The following ANKRD46 variants were observed in gnomAD, a reference collection of about 807,000 sequenced individuals.
ANKRD46 encodes ankyrin repeat domain-containing protein 46.
ANKRD46 carries 13 observed loss-of-function variants against 19.8 expected under a neutral mutation model. The ratio of observed to expected loss-of-function variants is 0.66; its 90% CI spans 0.43 to 1.04. The LOEUF (loss-of-function observed/expected upper bound fraction) is 1.04, where lower values mean the gene tolerates loss of function less well. Among genes scored for constraint, ANKRD46 ranks in the 50% least tolerant of loss-of-function variants. The pLI, the probability that ANKRD46 is intolerant of heterozygous loss-of-function variation, is 0.00. For missense variants in ANKRD46, 185 were observed against 274.8 expected (o/e 0.67, Z 2.31); for synonymous variants, 91 against 106.9 (o/e 0.85, Z 0.92).
intron 1 of ANKRD46, among the ~76,000 whole-genome samples, chr8:100,549,778 C>T (rs1354248622): frequency 6.6e-6 from 1 of 152,184 alleles, no homozygotes. Context: ...TTTACAATGA[C>T]ATGTATTCAT....
Position 100,546,703 on chromosome 8 carries a change from T to C in ANKRD46, c.-131+13008A>G, listed in dbSNP as rs1158784969. Among the ~76,000 whole-genome samples the C allele has an allele frequency of 6.6e-6, 1 of 152,138 alleles. No homozygotes were observed. The highest frequency in any genetic ancestry group is 1.5e-5 in the Non-Finnish European group (1 of 68,030). On this transcript the variant is annotated intron_variant, in intron 1 of 4. Coordinates refer to ENST00000335659, the MANE Select transcript of ANKRD46 (RefSeq NM_001270377.2). The surrounding 1 kb of genome is among the most constrained non-coding windows in gnomAD (Gnocchi z 4.0). ...CACTGTCCTCCAGACCCCAGAAAAGTAGATCCACTGACAGCTTGCACCATG... is the reference window on the plus strand; with the variant it reads ...CACTGTCCTCCAGACCCCAGAAAAGCAGATCCACTGACAGCTTGCACCATG...
In ANKRD46 at chr8:100,527,903, C is replaced by T; in HGVS notation, c.412G>A (p.Gly138Arg). Residue 138 changes from glycine to arginine, a missense_variant, in exon 4 of 5, where the codon GGA (glycine) becomes AGA (arginine). Transcript: ENST00000335659. The surrounding 1 kb of genome is among the most constrained non-coding windows in gnomAD (Gnocchi z 4.0). ...LESLEEQEVK[G>R]FNRGTHSKLE... ...TTCGAGTGGGTTCCTCTGTTAAATC[C>T]TTTCACCTCCTGTTCTTCCAAAGAT... The T allele has an allele frequency of 1.2e-6, 2 of 1,613,476 alleles. No individual in the cohort carries two copies. The highest frequency in any genetic ancestry group is 1.7e-6 in the Non-Finnish European group (2 of 1,179,902).
At position 100,550,796 on chromosome 8, in the gene ANKRD46, C is replaced by T. The variant is rs539417385; in HGVS notation, c.-131+8915G>A. Reference sequence around the variant, plus strand: ...ATTCACTGTTGTACGAGGAAATGAGCTTGACAAAGTGGTCACTGAGGGCAA... The same window carrying T: ...ATTCACTGTTGTACGAGGAAATGAGTTTGACAAAGTGGTCACTGAGGGCAA... On this transcript the variant is annotated intron_variant, in intron 1 of 4. Transcript: ENST00000335659. This position sits in a 1 kb window ranked among gnomAD's most constrained non-coding sequence, Gnocchi z 4.4. The T allele has an allele frequency of 9.3e-4, 429 of 459,104 alleles. 6 individuals are homozygous for T. Among genetic ancestry groups the T allele is most frequent in the South Asian group, 7.3e-3 (418 of 57,172 alleles). 28.4% of individuals were successfully genotyped at this position (459,104 alleles called of 1,614,324 possible).
At position 100,536,552 on chromosome 8, in the gene ANKRD46, C is replaced by G. The variant is rs1041088185; in HGVS notation, c.-130-3241G>C. ...AGCCATACGGAAGAAAGCTTGCATACAGCACTGATCCCCTGGTAACAGAGC... is the reference window on the plus strand; with the variant it reads ...AGCCATACGGAAGAAAGCTTGCATAGAGCACTGATCCCCTGGTAACAGAGC... On this transcript the variant is annotated intron_variant, in intron 1 of 4. Coordinates refer to ENST00000335659, the MANE Select transcript of ANKRD46 (RefSeq NM_001270377.2). This position sits in a 1 kb window ranked among gnomAD's most constrained non-coding sequence, Gnocchi z 4.9. 2.0e-5 allele frequency among the ~76,000 whole-genome samples: 3 copies of G among 152,106 alleles called. No homozygotes were observed. Among genetic ancestry groups the G allele is most frequent in the African/African-American group, 7.2e-5 (3 of 41,426 alleles).
Position 100,544,959 on chromosome 8 carries a change from G to A in ANKRD46, c.-130-11648C>T, listed in dbSNP as rs1812243273. Among the ~76,000 whole-genome samples, 1 of 152,108 alleles carries A rather than the reference G, an allele frequency of 6.6e-6. No individual in the cohort carries two copies. The highest frequency in any genetic ancestry group is 1.5e-5 in the Non-Finnish European group (1 of 68,028). ...ATAACAGTATTGTACACTGGCACAT[G>A]AGTATGTACATAGGGCAGATCAACA... On this transcript the variant is annotated intron_variant, in intron 1 of 4. Coordinates refer to ENST00000335659, the MANE Select transcript of ANKRD46 (RefSeq NM_001270377.2). The surrounding 1 kb of genome is among the most constrained non-coding windows in gnomAD (Gnocchi z 4.4).
At chr8:100,522,801 T>C (rs1318810815) in intron 4 of ANKRD46, 30 bp from the exon 5 acceptor site, 5 of 1,594,456 alleles carry the variant, frequency 3.1e-6, no homozygotes, top group Non-Finnish European at 4.3e-6. Flanking sequence ...AAAAAGGGCA[T>C]TAAAAAAACA....
intron 4 of ANKRD46, among the ~76,000 whole-genome samples, chr8:100,523,855 G>T (rs1811782849): frequency 6.6e-6 from 1 of 152,120 alleles, no homozygotes; most frequent in Non-Finnish European, 1.5e-5. Context: ...TGTTGCCCAG[G>T]CTGGTCTTGA....
intron 1 of ANKRD46, among the ~76,000 whole-genome samples, chr8:100,554,968 T>C (rs765179327): frequency 2.3e-4 from 35 of 151,590 alleles, no homozygotes; most frequent in Non-Finnish European, 4.6e-4. Context: ...TGAGCCAAGA[T>C]TGTGCCACTG....
chr8:100,551,307 G>A lies in ANKRD46; in HGVS notation c.-131+8404C>T, dbSNP rs559360275. On this transcript the variant is annotated intron_variant, in intron 1 of 4. Transcript: ENST00000335659. ...CTTGAGGCTGTTTTCAGACTTCTCA[G>A]GGATCATGCCCATTATGAATATGGG... 1.1e-5 allele frequency: 6 copies of A among 531,070 alleles called. No individual in the cohort carries two copies. In the East Asian group the frequency reaches 2.5e-4, roughly 22 times the overall value. The allele number at this position is 531,070 out of a possible 1,614,324, so 32.9% of individuals were successfully genotyped here.
downstream of ANKRD46, among the ~76,000 whole-genome samples, chr8:100,518,845 C>G (rs144221394): frequency 5.5e-3 from 789 of 144,226 alleles, 7 homozygotes; most frequent in Non-Finnish European, 6.8e-3. Context: ...GAGCGAGACT[C>G]TGTCTCAAAA....
rs1811800979 is a variant in ANKRD46, at chr8:100,524,527, CAT to C, written c.471-1758_471-1757del. On this transcript the variant is annotated intron_variant, in intron 4 of 4. Transcript: ENST00000335659. This position sits in a 1 kb window ranked among gnomAD's most constrained non-coding sequence, Gnocchi z 4.3. Reference sequence around the variant, plus strand: ...ACTTTTTTTTTTTTAATAATTAAAACATGTTTATTCTCTGAATAAGAGATGAT... The same window carrying C: ...ACTTTTTTTTTTTTAATAATTAAAACGTTTATTCTCTGAATAAGAGATGAT... Among the ~76,000 whole-genome samples, 1 of 150,450 alleles carries C rather than the reference CAT, an allele frequency of 6.6e-6. No individual in the cohort carries two copies. Among genetic ancestry groups the C allele is most frequent in the African/African-American group, 2.5e-5 (1 of 40,758 alleles).
rs773910540 is a variant in ANKRD46 at position 100,544,882 on chromosome 8, T to C, written c.-130-11571A>G. Among the ~76,000 whole-genome samples, 1 of 152,236 alleles carries C rather than the reference T, an allele frequency of 6.6e-6. No homozygotes were observed. Among genetic ancestry groups the C allele is most frequent in the South Asian group, 2.1e-4 (1 of 4,816 alleles). On this transcript the variant is annotated intron_variant, in intron 1 of 4. Coordinates refer to ENST00000335659, the MANE Select transcript of ANKRD46 (RefSeq NM_001270377.2). This position sits in a 1 kb window ranked among gnomAD's most constrained non-coding sequence, Gnocchi z 4.4. Reference sequence around the variant, plus strand: ...CAGAGGCAACAATGGGAGCAACTCATAGAGTCTGGTGCTCTTCACAGAGTG... The same window carrying C: ...CAGAGGCAACAATGGGAGCAACTCACAGAGTCTGGTGCTCTTCACAGAGTG...
rs1160629306 is a variant in ANKRD46, at chr8:100,532,316, A to T, written c.-28+893T>A. Reference sequence around the variant, plus strand: ...AGACCCTGTCTCTATAAAATATTTTAAAATTAGCCAGGCATGGTGGCGCGC... The same window carrying T: ...AGACCCTGTCTCTATAAAATATTTTTAAATTAGCCAGGCATGGTGGCGCGC... On this transcript the variant is annotated intron_variant, in intron 2 of 4. Transcript: ENST00000335659. This position sits in a 1 kb window ranked among gnomAD's most constrained non-coding sequence, Gnocchi z 4.7. 1 of 152,142 alleles carries T rather than the reference A, an allele frequency of 6.6e-6. No homozygotes were observed. The highest frequency in any genetic ancestry group is 1.9e-4 in the East Asian group (1 of 5,182). The allele number at this position is 152,142 out of a possible 1,614,324, so 9.4% of individuals were successfully genotyped here.
chr8:100,549,195 C>T (rs1186546750), intron 1 of ANKRD46, among the ~76,000 whole-genome samples: 1 of 151,398 alleles, frequency 6.6e-6, no homozygotes, highest in Non-Finnish European at 1.5e-5. Flanking sequence ...GCCTCAAACT[C>T]CTGGGCTCAA....
intron 1 of ANKRD46, among the ~76,000 whole-genome samples, chr8:100,552,938 T>C (rs567046755): frequency 2.0e-5 from 3 of 152,256 alleles, no homozygotes; most frequent in African/African-American, 2.4e-5. Flanking sequence ...TCCACTCTTA[T>C]ATGCTTCTGT....
At chr8:100,556,121 T>A (rs984504301) in intron 1 of ANKRD46, among the ~76,000 whole-genome samples, 3 of 152,152 alleles carry the variant, frequency 2.0e-5, no homozygotes, top group Non-Finnish European at 4.4e-5. Context: ...CCCAGGCCCA[T>A]GAGATGCTTC....
At position 100,545,113 on chromosome 8, in the gene ANKRD46, C is replaced by G. The variant is rs889926859; in HGVS notation, c.-130-11802G>C. On this transcript the variant is annotated intron_variant, in intron 1 of 4. Transcript: ENST00000335659. This position sits in a 1 kb window ranked among gnomAD's most constrained non-coding sequence, Gnocchi z 4.7. ...GCAGAGGTGGGAGAATTGCTTGAGC[C>G]CAGGCATTCGAGACAAGCCTGGGCA... is the stretch of plus-strand genomic sequence containing the variant. 6.6e-6 allele frequency among the ~76,000 whole-genome samples: 1 copy of G among 152,082 alleles called. No homozygotes were observed. Among genetic ancestry groups the G allele is most frequent in the Admixed American group, 6.6e-5 (1 of 15,266 alleles).
At chr8:100,526,996 G>A (rs993277408) in intron 4 of ANKRD46, among the ~76,000 whole-genome samples, 1 of 151,988 alleles carries the variant, frequency 6.6e-6, no homozygotes, top group African/African-American at 2.4e-5. Context: ...CGTATAATGT[G>A]GAAGGCTGAA....
rs1047224408 is a variant in ANKRD46, at chr8:100,525,286, T to C, written c.471-2515A>G. Among the ~76,000 whole-genome samples, 1 of 152,246 alleles carries C rather than the reference T, an allele frequency of 6.6e-6. No individual in the cohort carries two copies. The highest frequency in any genetic ancestry group is 1.5e-5 in the Non-Finnish European group (1 of 68,044). ...AATTCACATCCCATAATATTTACCT[T>C]TTGAAACTGTACAATTCAGTGGCTT... On this transcript the variant is annotated intron_variant, in intron 4 of 4. Transcript: ENST00000335659. This position sits in a 1 kb window ranked among gnomAD's most constrained non-coding sequence, Gnocchi z 4.4.
Sources: allele counts gnomAD v4.1 joint callset (sites outside exome capture counted in the v4.1 genomes callset), GRCh38; gene constraint gnomAD v4.1.1; non-coding constraint Gnocchi (gnomAD v3.1); transcripts MANE v1.5; gene names NCBI Gene and HGNC (gene_info 2026-07-23, HGNC 2026-07-21).